The following DNAI4 variants were observed in gnomAD, a reference collection of about 807,000 sequenced individuals.
DNAI4 encodes dynein axonemal intermediate chain 4.
DNAI4 carries 85 observed loss-of-function variants against 105.8 expected under a neutral mutation model. That is an observed-to-expected ratio of 0.80 (90% CI 0.67 to 0.96). DNAI4 has a LOEUF of 0.96. DNAI4 is among the 40% of genes least tolerant of loss of function. The probability of loss-of-function intolerance (pLI) is 0.00; values close to 1 mark genes in which losing one functional copy is unlikely to be tolerated. For synonymous variants in DNAI4, 352 were observed against 331.5 expected (o/e 1.06, Z -0.67); for missense variants, 1,014 against 1,005.6 (o/e 1.01, Z -0.11).
In DNAI4 at chr1:66,827,792, C is replaced by A; in HGVS notation, c.2112+20G>T. 1 of 1,386,870 alleles carries A rather than the reference C, an allele frequency of 7.2e-7. No individual in the cohort carries two copies. The highest frequency in any genetic ancestry group is 9.9e-7 in the Non-Finnish European group (1 of 1,009,388). 85.9% of individuals were successfully genotyped at this position (1,386,870 alleles called of 1,614,324 possible). A position where few individuals can be genotyped will look rare whatever the true frequency, so the allele number is the denominator to read the frequency against. ...CAGAAATACAAAATAAATGTTCCAA[C>A]CTACTATAATTAAACTAACCTTATG... On this transcript the variant is annotated intron_variant, in intron 14 of 16. Transcript: ENST00000371026.
intron 1 of DNAI4, among the ~76,000 whole-genome samples, chr1:66,912,647 A>G (rs1300724854): frequency 6.6e-6 from 1 of 152,130 alleles, no homozygotes; most frequent in Non-Finnish European, 1.5e-5. Context: ...CTGTGCTCCA[A>G]CCATCTTCGG....
chr1:66,851,021 T>G (rs1479325046), intron 7 of DNAI4, among the ~76,000 whole-genome samples: 1 of 151,890 alleles, frequency 6.6e-6, no homozygotes, highest in Non-Finnish European at 1.5e-5. Flanking sequence ...ACAAATGGTC[T>G]ACATATACCA....
At chr1:66,886,596 T>C (rs1476194564) in intron 4 of DNAI4, among the ~76,000 whole-genome samples, 2 of 152,200 alleles carry the variant, frequency 1.3e-5, no homozygotes, top group East Asian at 1.9e-4. Context: ...AGAAAGCCTA[T>C]GTCTTGCAAT....
intron 7 of DNAI4, among the ~76,000 whole-genome samples, chr1:66,853,860 T>G (rs1461231195): frequency 1.3e-5 from 2 of 152,120 alleles, no homozygotes; most frequent in Non-Finnish European, 2.9e-5. Flanking sequence ...TGATAGAAGT[T>G]CTAGCAGAGC....
At chr1:66,905,459 T>C (rs1310490824) in intron 1 of DNAI4, 84 bp from the exon 2 acceptor site, 11 of 878,336 alleles carry the variant, frequency 1.3e-5, no homozygotes, top group Non-Finnish European at 1.6e-5. Context: ...AGATTTCCTG[T>C]AAAAACATGT....
In DNAI4 at chr1:66,893,374, G is replaced by A. The variant is rs1344101395; in HGVS notation, c.385C>T (p.Leu129Phe). 1 of 1,589,666 alleles carries A rather than the reference G, an allele frequency of 6.3e-7. No individual in the cohort carries two copies. Among genetic ancestry groups the A allele is most frequent in the South Asian group, 1.2e-5 (1 of 86,918 alleles). ...CCAGTAAGTGGATCTGGATGGTAAA[G>A]AGGTCGGGGAGTAACATCAGTTCCA... ...INGTDVTPRPLYHPDPLTGTA... is the reference protein window; with the variant it reads ...INGTDVTPRPFYHPDPLTGTA... Residue 129 changes from leucine to phenylalanine, a missense_variant, in exon 3 of 17, where the codon CTT becomes TTT. Physicochemically the swap from Leu to Phe is conservative, Grantham distance 22 (BLOSUM62 0). Transcript: ENST00000371026.
At chr1:66,873,842 TC>T (rs1209315829) in intron 5 of DNAI4, among the ~76,000 whole-genome samples, 1 of 149,390 alleles carries the variant, frequency 6.7e-6, no homozygotes, top group African/African-American at 2.5e-5. Context: ...CTTTCTTTTT[TC>T]CCTCTTTCCT....
At chr1:66,891,695 C>T (rs1647664749) in intron 3 of DNAI4, among the ~76,000 whole-genome samples, 1 of 152,208 alleles carries the variant, frequency 6.6e-6, no homozygotes, top group African/African-American at 2.4e-5. Context: ...AACTCCTGAC[C>T]TCAGGTGATC....
intron 11 of DNAI4, 48 bp from the exon 12 acceptor site, chr1:66,834,196 C>CT (rs1176308919): frequency 3.4e-6 from 5 of 1,459,312 alleles, no homozygotes; most frequent in Admixed American, 4.9e-5. Flanking sequence ...ATAATAATTT[C>CT]TTAAAGGCCT....
intron 2 of DNAI4, among the ~76,000 whole-genome samples, chr1:66,902,533 T>C (rs921194220): frequency 2.0e-5 from 3 of 152,186 alleles, no homozygotes; most frequent in African/African-American, 7.2e-5. Flanking sequence ...TTAATGTCTT[T>C]TGATAGACAG....
chr1:66,822,413 T>C lies in DNAI4; in HGVS notation c.2444A>G (p.Gln815Arg), dbSNP rs1180489231. Residue 815 changes from glutamine to arginine, a missense_variant, in exon 16 of 17, where the codon CAG (glutamine) becomes CGG (arginine). Physicochemically the swap from Gln to Arg is conservative, Grantham distance 43 (BLOSUM62 1). Coordinates refer to ENST00000371026, the MANE Select transcript of DNAI4 (RefSeq NM_024763.5). ...DCLLVGDSDG[Q>R]VSVYELRNMP... ...ATTTCTCAGTTCATACACAGAAACC[T>C]GTCCATCACTGTCTCCTACCAGAAG... 6.2e-7 allele frequency: 1 copy of C among 1,613,102 alleles called. No homozygotes were observed. The highest frequency in any genetic ancestry group is 1.3e-5 in the African/African-American group (1 of 74,888).
intron 15 of DNAI4, among the ~76,000 whole-genome samples, chr1:66,823,135 A>C: frequency 1.6e-5 from 2 of 124,980 alleles, no homozygotes; most frequent in Non-Finnish European, 3.4e-5. Context: ...TTCAGTTCCC[A>C]CCTACGAGTG....
At chr1:66,907,994 A>C (rs1022288225) in intron 1 of DNAI4, among the ~76,000 whole-genome samples, 1 of 152,062 alleles carries the variant, frequency 6.6e-6, no homozygotes, top group Non-Finnish European at 1.5e-5. Flanking sequence ...TTCCCTCTTG[A>C]GGTTATGGTT....
At chr1:66,842,726 CCAAA>C (rs1460913407) in intron 8 of DNAI4, among the ~76,000 whole-genome samples, 3 of 152,078 alleles carry the variant, frequency 2.0e-5, no homozygotes, top group East Asian at 1.9e-4. Context: ...TAAGAAACTG[CCAAA>C]CAATCTTCCA....
At chr1:66,919,210 T>C (rs1650285751) in intron 1 of DNAI4, 1 of 326,656 alleles carries the variant, frequency 3.1e-6, no homozygotes, top group Admixed American at 3.2e-5. Context: ...ATCCTGAACC[T>C]TGGCACAATA....
At chr1:66,888,625 G>A (rs187067023) in intron 4 of DNAI4, among the ~76,000 whole-genome samples, 131 of 152,232 alleles carry the variant, frequency 8.6e-4, no homozygotes, top group Non-Finnish European at 1.6e-3. Flanking sequence ...CCCGGGAGGC[G>A]GAGGTTGCAG....
chr1:66,827,087 C>A (rs748312059), intron 14 of DNAI4, 41 bp from the exon 15 acceptor site: 1 of 1,494,134 alleles, frequency 6.7e-7, no homozygotes, highest in African/African-American at 1.4e-5. Flanking sequence ...TAATATTTAA[C>A]ATCTTTTATT....
intron 1 of DNAI4, among the ~76,000 whole-genome samples, chr1:66,913,323 C>G (rs1384311980): frequency 2.0e-5 from 3 of 152,156 alleles, no homozygotes; most frequent in African/African-American, 7.2e-5. Context: ...TTTAAGGATC[C>G]TAATTCTAGT....
chr1:66,844,554 C>A (rs1356562916), intron 8 of DNAI4, among the ~76,000 whole-genome samples: 2 of 151,856 alleles, frequency 1.3e-5, no homozygotes, highest in African/African-American at 2.4e-5. Context: ...GAGAGTAAGA[C>A]TCTGTCTCAA....
Sources: allele counts gnomAD v4.1 joint callset (sites outside exome capture counted in the v4.1 genomes callset), GRCh38; gene constraint gnomAD v4.1.1; transcripts MANE v1.5; gene names NCBI Gene and HGNC (gene_info 2026-07-23, HGNC 2026-07-21).